Variants in AGBL1 observed in about 807,000 individuals in gnomAD.
AGBL1 encodes the protein cytosolic carboxypeptidase 4.
AGBL1 carries 130 observed loss-of-function variants against 118.9 expected under a neutral mutation model. That is an observed-to-expected ratio of 1.09 (90% confidence interval 0.95 to 1.26). AGBL1 has a LOEUF of 1.26. Ranked by LOEUF, AGBL1 falls within the 50% of genes most tolerant of loss-of-function variation. The probability of loss-of-function intolerance (pLI) is 0.00; values close to 1 mark genes in which losing one functional copy is unlikely to be tolerated. For synonymous variants in AGBL1, 555 were observed against 478.9 expected, an observed-to-expected ratio of 1.16 and a Z score of -2.08; for missense variants, 1,584 against 1,298.1, an observed-to-expected ratio of 1.22 and a Z score of -3.38.
chr15:86,498,942 C>A (rs2082886043), intron 18 of AGBL1, among the ~76,000 whole-genome samples: 1 of 151,848 alleles, frequency 6.6e-6, no homozygotes, highest in African/African-American at 2.4e-5. Flanking sequence ...CACACACCTG[C>A]TTTTTGAAGA....
chr15:86,509,584 G>T (rs888960312), intron 18 of AGBL1, among the ~76,000 whole-genome samples: 1 of 152,100 alleles, frequency 6.6e-6, no homozygotes, highest in African/African-American at 2.4e-5. Flanking sequence ...CATTACGATA[G>T]ATAGAAGATG....
At chr15:86,527,383 C>G (rs2083281444) in intron 19 of AGBL1, among the ~76,000 whole-genome samples, 1 of 152,176 alleles carries the variant, frequency 6.6e-6, no homozygotes, top group Non-Finnish European at 1.5e-5. Context: ...CATTAATTAG[C>G]TATAAACATG....
intron 5 of AGBL1, among the ~76,000 whole-genome samples, chr15:86,192,634 A>G (rs74250497): frequency 0.032 from 4,877 of 152,276 alleles, 125 homozygotes; most frequent in East Asian, 0.086. Context: ...ATTTATATGC[A>G]TGGGTATTTG....
At chr15:86,278,070 C>A (rs1048201675) in intron 15 of AGBL1, among the ~76,000 whole-genome samples, 1 of 152,152 alleles carries the variant, frequency 6.6e-6, no homozygotes, top group African/African-American at 2.4e-5. Context: ...GCATGCTTTC[C>A]GAGCTACCAT....
chr15:86,776,465 T>C (rs16977973), intron 22 of AGBL1, among the ~76,000 whole-genome samples: 18,134 of 152,026 alleles, frequency 0.12, 1,302 homozygotes, highest in East Asian at 0.31. Flanking sequence ...GAGTCACTTA[T>C]TAATATGCTT....
rs543527864 is a variant in AGBL1 at position 86,683,625 on chromosome 15, C to T, written c.3158+9189C>T. Among the ~76,000 whole-genome samples the T allele has an allele frequency of 1.4e-4, 21 of 152,208 alleles. 1 individual carries two copies. The highest frequency in any genetic ancestry group is 4.1e-4 in the African/African-American group (17 of 41,538). On this transcript the variant is annotated intron_variant, in intron 22 of 22. Transcript: ENST00000614907. Reference sequence around the variant, plus strand: ...TCTGCCTCAGGCTCAACCAAATGAACGGCAGGTCTCTTGCCTATGAAACTA... The same window carrying T: ...TCTGCCTCAGGCTCAACCAAATGAATGGCAGGTCTCTTGCCTATGAAACTA...
intron 18 of AGBL1, among the ~76,000 whole-genome samples, chr15:86,473,777 AC>A (rs1438810873): frequency 6.6e-6 from 1 of 152,134 alleles, no homozygotes; most frequent in Admixed American, 6.5e-5. Context: ...CTAGTGTTGC[AC>A]TGTTGCCAAC....
chr15:86,279,653 A>G lies in AGBL1; in HGVS notation c.2090A>G (p.Gln697Arg), dbSNP rs777529154. 2.5e-6 allele frequency: 4 copies of G among 1,613,354 alleles called. No homozygotes were observed. The highest frequency in any genetic ancestry group is 3.4e-6 in the Non-Finnish European group (4 of 1,179,530). Residue 697 changes from glutamine (Q) to arginine (R), a missense_variant, in exon 16 of 23, where the codon CAG becomes CGG. Gln to Arg is a conservative substitution (Grantham distance 43). Transcript: ENST00000614907. ...TCTCTCTTTAGAAATCATTATCGCC[A>G]GAGTACAGCTGTTGCAGGCGGAGCA... The part of the protein sequence containing the change: ...EICYYKNHYR[Q>R]STAVAGGASG...
chr15:86,688,936 A>T (rs2086111573), intron 22 of AGBL1, among the ~76,000 whole-genome samples: 1 of 152,138 alleles, frequency 6.6e-6, no homozygotes, highest in African/African-American at 2.4e-5. Context: ...CTGCATTTTT[A>T]GAATTTTATG....
At chr15:86,458,094 T>TA (rs2082282881) in intron 18 of AGBL1, among the ~76,000 whole-genome samples, 1 of 152,026 alleles carries the variant, frequency 6.6e-6, no homozygotes, top group Admixed American at 6.6e-5. Context: ...AAAAATGAGT[T>TA]AAAAAAATCT....
intron 18 of AGBL1, among the ~76,000 whole-genome samples, chr15:86,415,675 T>A (rs1448622794): frequency 2.0e-5 from 3 of 152,174 alleles, no homozygotes; most frequent in African/African-American, 7.2e-5. Flanking sequence ...TAAGATTTTT[T>A]AATATTAATT....
At chr15:86,815,187 A>G (rs2078841513) in intron 22 of AGBL1, among the ~76,000 whole-genome samples, 1 of 152,174 alleles carries the variant, frequency 6.6e-6, no homozygotes, top group South Asian at 2.1e-4. Flanking sequence ...GTAATGACTT[A>G]AGTACTTTGT....
intron 22 of AGBL1, among the ~76,000 whole-genome samples, chr15:86,698,689 C>T (rs749191944): frequency 1.3e-5 from 2 of 150,958 alleles, no homozygotes; most frequent in Non-Finnish European, 2.9e-5. Context: ...GAAGCTCAAT[C>T]CCACTATCCT....
At position 86,854,332 on chromosome 15, in the gene AGBL1, G is replaced by A. The variant is rs1475082206; in HGVS notation, c.3159-52755G>A. The stretch of plus-strand genomic sequence containing the variant: ...TGGCAGAAGCCTGATATGCCCATAT[G>A]CTCCTGTAATGACTAGCTGTCAGGG... On this transcript the variant is annotated intron_variant, in intron 22 of 22. Coordinates refer to ENST00000614907, the MANE Select transcript of AGBL1 (RefSeq NM_001386094.1). Among the ~76,000 whole-genome samples the A allele has an allele frequency of 3.3e-5, 5 of 152,130 alleles. No individual in the cohort carries two copies. The East Asian group carries it at 9.7e-4, about 29-fold the overall frequency.
intron 7 of AGBL1, 123 bp from the exon 8 acceptor site, chr15:86,256,730 C>G (rs1166928171): frequency 1.1e-6 from 1 of 929,608 alleles, no homozygotes. Flanking sequence ...GCGTATAATT[C>G]ATTAGCTGAA....
chr15:86,792,102 T>C (rs1455685642), intron 22 of AGBL1, among the ~76,000 whole-genome samples: 2 of 152,176 alleles, frequency 1.3e-5, no homozygotes, highest in African/African-American at 4.8e-5. Context: ...TTTAACATTG[T>C]ATGATTCTAT....
chr15:86,750,411 C>T (rs551699887), intron 22 of AGBL1, among the ~76,000 whole-genome samples: 1 of 150,630 alleles, frequency 6.6e-6, no homozygotes, highest in African/African-American at 2.4e-5. Context: ...CTGGTAATTT[C>T]TGTATAACAA....
intron 5 of AGBL1, among the ~76,000 whole-genome samples, chr15:86,178,715 A>G (rs909294916): frequency 1.3e-4 from 20 of 152,180 alleles, no homozygotes; most frequent in African/African-American, 4.6e-4. Context: ...AAGAGACAAT[A>G]TTTTCTAACT....
At chr15:86,773,413 A>G (rs1230034308) in intron 22 of AGBL1, among the ~76,000 whole-genome samples, 1 of 151,796 alleles carries the variant, frequency 6.6e-6, no homozygotes, top group Non-Finnish European at 1.5e-5. Flanking sequence ...GGATGTCAAT[A>G]CATACGTATA....
Sources: allele counts gnomAD v4.1 joint callset (sites outside exome capture counted in the v4.1 genomes callset), GRCh38; gene constraint gnomAD v4.1.1; transcripts MANE v1.5; gene names NCBI Gene and HGNC (gene_info 2026-07-23, HGNC 2026-07-21).